The following SLK variants were observed in gnomAD, a reference collection of about 807,000 sequenced individuals.
SLK encodes STE20 like kinase, also known as STE20-like serine/threonine-protein kinase.
SLK carries 67 observed loss-of-function variants against 147.7 expected under a neutral mutation model. That is an observed-to-expected ratio of 0.45 (90% CI 0.37 to 0.56). SLK has a LOEUF of 0.56. Ranked by LOEUF, SLK falls within the 20% of genes least tolerant of loss-of-function variation. The probability of loss-of-function intolerance (pLI) is 0.00; values close to 1 mark genes in which losing one functional copy is unlikely to be tolerated. For missense variants in SLK, 1,136 were observed against 1,438.8 expected (o/e 0.79, Z 3.41); for synonymous variants, 441 against 475.0 (o/e 0.93, Z 0.93).
intron 1 of SLK, among the ~76,000 whole-genome samples, chr10:103,989,851 A>C (rs540305347): frequency 1.3e-5 from 2 of 152,298 alleles, no homozygotes; most frequent in African/African-American, 4.8e-5. Context: ...TACCCAAATG[A>C]GTTGAAAAAC....
rs1414513838 is a variant in SLK, at chr10:103,967,416, T to G, written c.-330T>G. On this transcript the variant is annotated 5_prime_UTR_variant, in exon 1 of 19. Transcript: ENST00000369755. ...GCCTAAGCCGCCGCCGCGGGAGTCCTGACCGCTCGGACCCGTCGGATCAGG... is the reference window on the plus strand; with the variant it reads ...GCCTAAGCCGCCGCCGCGGGAGTCCGGACCGCTCGGACCCGTCGGATCAGG... 2 of 150,702 alleles carry G rather than the reference T, an allele frequency of 1.3e-5. No individual in the cohort carries two copies. The highest frequency in any genetic ancestry group is 4.8e-5 in the African/African-American group (2 of 41,246). 9.3% of individuals were successfully genotyped at this position (150,702 alleles called of 1,614,324 possible). A position where few individuals can be genotyped will look rare whatever the true frequency, so the allele number is the denominator to read the frequency against.
At chr10:104,019,687 C>T (rs1226834382) in intron 15 of SLK, 47 bp from the exon 16 acceptor site, 2 of 1,390,152 alleles carry the variant, frequency 1.4e-6, no homozygotes, top group Admixed American at 3.4e-5. Flanking sequence ...CATGTGGGTA[C>T]TGACTATTGT....
chr10:103,969,968 T>C (rs796223314), intron 1 of SLK, among the ~76,000 whole-genome samples: 3 of 152,314 alleles, frequency 2.0e-5, no homozygotes, highest in African/African-American at 7.2e-5. Context: ...TAAATAAGTT[T>C]TATCGAATAT....
chr10:104,010,735 C>T, intron 12 of SLK, 81 bp from the exon 13 acceptor site: 1 of 826,114 alleles, frequency 1.2e-6, no homozygotes, highest in South Asian at 2.6e-5. Flanking sequence ...TAATATTTGA[C>T]TTGTAGCTTA....
rs1332606381 is a variant in SLK, at chr10:104,028,187, T to G, written c.*2467T>G. ...ACTTCTTTGAAATCGAAGGGTACAG[T>G]CAAATCTACTGCTGATTTGGTTGTT... On this transcript the variant is annotated 3_prime_UTR_variant, in exon 19 of 19. Transcript: ENST00000369755. The G allele has an allele frequency of 6.6e-6, 1 of 152,190 alleles. No individual in the cohort carries two copies. The highest frequency in any genetic ancestry group is 1.5e-5 in the Non-Finnish European group (1 of 68,048). 9.4% of individuals were successfully genotyped at this position (152,190 alleles called of 1,614,324 possible).
At chr10:103,985,661 A>G (rs1844003305) in intron 1 of SLK, among the ~76,000 whole-genome samples, 1 of 152,138 alleles carries the variant, frequency 6.6e-6, no homozygotes, top group Non-Finnish European at 1.5e-5. Flanking sequence ...TGGGACTGAA[A>G]TCATCTCTGT....
Position 104,005,894 on chromosome 10 carries a change from A to T in SLK, c.2481-18A>T. ...AATTTTTGCTGTCTTCTCTATCATTACCATTAAATTTTATCAGACGTCAGG... is the reference window on the plus strand; with the variant it reads ...AATTTTTGCTGTCTTCTCTATCATTTCCATTAAATTTTATCAGACGTCAGG... On this transcript the variant is annotated intron_variant, in intron 10 of 18. Transcript: ENST00000369755. 6.3e-7 allele frequency: 1 copy of T among 1,592,208 alleles called. No homozygotes were observed. Among genetic ancestry groups the T allele is most frequent in the Non-Finnish European group, 8.5e-7 (1 of 1,174,642 alleles).
At position 103,993,069 on chromosome 10, in the gene SLK, GATC is replaced by G; in HGVS notation, c.454_456del (p.Ile152del). On this transcript the variant is annotated inframe_deletion, in exon 4 of 19. Transcript: ENST00000369755. Reference sequence around the variant, plus strand: ...CATTGAACTACTTACATGATAATAAGATCATCCACAGAGATCTGAAGGCTGGCA... The same window carrying G: ...CATTGAACTACTTACATGATAATAAGATCCACAGAGATCTGAAGGCTGGCA... 6.2e-7 allele frequency: 1 copy of G among 1,611,028 alleles called. No homozygotes were observed. The highest frequency in any genetic ancestry group is 8.5e-7 in the Non-Finnish European group (1 of 1,178,072).
intron 1 of SLK, among the ~76,000 whole-genome samples, chr10:103,985,845 A>G (rs1403065368): frequency 6.6e-6 from 1 of 152,244 alleles, no homozygotes; most frequent in Non-Finnish European, 1.5e-5. Flanking sequence ...AACAAGAGTA[A>G]TATGAGGGTG....
At position 103,998,284 on chromosome 10, in the gene SLK, G is replaced by A. The variant is rs553883023; in HGVS notation, c.515-615G>A. ...CATCAAATGTGAAACTTAAAAATTC[G>A]TGCATTTATAGCATGAGGTGAATTA... is the stretch of plus-strand genomic sequence containing the variant. On this transcript the variant is annotated intron_variant, in intron 4 of 18. Coordinates refer to ENST00000369755, the MANE Select transcript of SLK (RefSeq NM_014720.4). Among the ~76,000 whole-genome samples the A allele has an allele frequency of 7.9e-5, 12 of 152,220 alleles. No homozygotes were observed. In the East Asian group the frequency reaches 1.7e-3, roughly 22 times the overall value.
intron 4 of SLK, among the ~76,000 whole-genome samples, chr10:103,997,235 C>T (rs775351946): frequency 2.6e-5 from 4 of 152,198 alleles, no homozygotes; most frequent in Admixed American, 1.3e-4. Context: ...GGTTCATCCA[C>T]GTTGTAGCGT....
At chr10:103,973,187 T>C (rs2134442048) in intron 1 of SLK, among the ~76,000 whole-genome samples, 1 of 152,354 alleles carries the variant, frequency 6.6e-6, no homozygotes, top group African/African-American at 2.4e-5. Flanking sequence ...ATCTATAATC[T>C]ACCTAGAATA....
At chr10:103,972,498 C>G (rs1332309419) in intron 1 of SLK, among the ~76,000 whole-genome samples, 2 of 152,074 alleles carry the variant, frequency 1.3e-5, no homozygotes, top group Non-Finnish European at 2.9e-5. Context: ...CGGTGAAACC[C>G]CGTCTCTACT....
chr10:103,974,329 T>TG (rs1181741487), intron 1 of SLK, among the ~76,000 whole-genome samples: 6 of 151,824 alleles, frequency 4.0e-5, no homozygotes, highest in African/African-American at 1.5e-4. Flanking sequence ...AAGTTCATCT[T>TG]GGCCGGGCGC....
At position 103,990,838 on chromosome 10, in the gene SLK, G is replaced by T; in HGVS notation, c.314G>T (p.Trp105Leu). Residue 105 changes from tryptophan to leucine, a missense_variant and splice_region_variant, in exon 2 of 19, where the codon TGG becomes TTG. Trp to Leu is a moderately conservative substitution (Grantham distance 61). Coordinates refer to ENST00000369755, the MANE Select transcript of SLK (RefSeq NM_014720.4). ...LDAFYYENNL[W>L]ILIEFCAGGA... ...GCCTTCTATTATGAGAACAATCTTT[G>T]GGTAAGTATTTTCTGTTGATCTAAA... 1 of 1,490,920 alleles carries T rather than the reference G, an allele frequency of 6.7e-7. No individual in the cohort carries two copies. Among genetic ancestry groups the T allele is most frequent in the South Asian group, 1.5e-5 (1 of 68,134 alleles). The allele number at this position is 1,490,920 out of a possible 1,614,324, so 92.4% of individuals were successfully genotyped here. A position where few individuals can be genotyped will look rare whatever the true frequency, so the allele number is the denominator to read the frequency against.
chr10:103,971,581 A>G (rs1308900833), intron 1 of SLK, among the ~76,000 whole-genome samples: 1 of 152,124 alleles, frequency 6.6e-6, no homozygotes, highest in Non-Finnish European at 1.5e-5. Context: ...CCCCTGCTGG[A>G]TTTCTCTTGT....
chr10:104,012,051 G>A (rs938959224), intron 13 of SLK, among the ~76,000 whole-genome samples: 2 of 152,160 alleles, frequency 1.3e-5, no homozygotes, highest in South Asian at 2.1e-4. Context: ...GATGTGGATC[G>A]TGTATTTAAT....
chr10:103,987,169 G>A (rs1374706721), intron 1 of SLK, among the ~76,000 whole-genome samples: 1 of 151,882 alleles, frequency 6.6e-6, no homozygotes, highest in Non-Finnish European at 1.5e-5. Context: ...ATAATTTGAG[G>A]CACTATTCTT....
intron 1 of SLK, among the ~76,000 whole-genome samples, chr10:103,968,143 T>C (rs1843743949): frequency 6.6e-6 from 1 of 152,218 alleles, no homozygotes; most frequent in Admixed American, 6.5e-5. Flanking sequence ...AGTCTACTCT[T>C]TCAAACTTCA....
Sources: gnomAD v4.1 joint callset for allele counts (sites outside exome capture counted in the v4.1 genomes callset) on GRCh38, gnomAD v4.1.1 for gene constraint, MANE v1.5 for transcripts, NCBI Gene and HGNC (gene_info 2026-07-23, HGNC 2026-07-21) for gene names.